Variants in TACC1 observed in about 807,000 individuals in gnomAD.
TACC1 encodes the protein transforming acidic coiled-coil-containing protein 1.
Under a neutral mutation model 84.4 loss-of-function variants are expected in TACC1, and 48 were observed. The observed-to-expected ratio is 0.57, with a 90% confidence interval of 0.45 to 0.72. The LOEUF is 0.72. Among genes scored for constraint, TACC1 ranks in the 30% least tolerant of loss-of-function variants. TACC1 has a pLI of 0.00. For missense variants in TACC1, 920 were observed against 973.0 expected, an observed-to-expected ratio of 0.95 and a Z score of 0.72; for synonymous variants, 372 against 376.3, an observed-to-expected ratio of 0.99 and a Z score of 0.13.
rs767859320 is a variant in TACC1, at chr8:38,825,377, G to A, written c.1452+9G>A. 6.2e-7 allele frequency: 1 copy of A among 1,614,094 alleles called. No homozygotes were observed. Among genetic ancestry groups the A allele is most frequent in the South Asian group, 1.1e-5 (1 of 91,084 alleles). On this transcript the variant is annotated intron_variant, in intron 4 of 12. Coordinates refer to ENST00000317827, the MANE Select transcript of TACC1 (RefSeq NM_006283.3). Reference sequence around the variant, plus strand: ...TGGATGCATGTTCTCGGGTGAGTCTGTGCCCATCTCCAGAATGTCTCTGAG... The same window carrying A: ...TGGATGCATGTTCTCGGGTGAGTCTATGCCCATCTCCAGAATGTCTCTGAG...
intron 2 of TACC1, among the ~76,000 whole-genome samples, chr8:38,797,603 G>A (rs1380439736): frequency 6.6e-6 from 1 of 152,222 alleles, no homozygotes; most frequent in African/African-American, 2.4e-5. Flanking sequence ...CTCTCTTGCT[G>A]AACATTCCTC....
chr8:38,758,396 GC>G (rs1005084984), intron 3 of TACC1, among the ~76,000 whole-genome samples: 4 of 152,076 alleles, frequency 2.6e-5, no homozygotes, highest in Non-Finnish European at 4.4e-5. Flanking sequence ...AATAGCTGAC[GC>G]CGGGCGTGGT....
intron 2 of TACC1, among the ~76,000 whole-genome samples, chr8:38,811,320 A>G (rs1037492982): frequency 7.9e-5 from 12 of 152,062 alleles, no homozygotes; most frequent in Non-Finnish European, 1.6e-4. Flanking sequence ...CTAGTTTCAA[A>G]GGCTAAAACT....
At chr8:38,835,998 C>T (rs547391112) in intron 6 of TACC1, among the ~76,000 whole-genome samples, 164 bp from the exon 7 acceptor site, 1 of 152,316 alleles carries the variant, frequency 6.6e-6, no homozygotes, top group Admixed American at 6.5e-5. Context: ...TCTTTAGTTA[C>T]TTCCATAATT....
chr8:38,840,293 G>A, intron 9 of TACC1, 26 bp downstream of exon 9: 4 of 1,602,482 alleles, frequency 2.5e-6, no homozygotes, highest in Non-Finnish European at 3.4e-6. Flanking sequence ...TGTTTTTTGA[G>A]GGTATGAGCC....
At chr8:38,795,867 A>G (rs1414975584) in intron 2 of TACC1, among the ~76,000 whole-genome samples, 2 of 152,218 alleles carry the variant, frequency 1.3e-5, no homozygotes, top group Non-Finnish European at 2.9e-5. Context: ...CAGGGTTTAG[A>G]TTGATGATGG....
intron 6 of TACC1, among the ~76,000 whole-genome samples, chr8:38,831,761 G>A (rs1829291432): frequency 6.6e-6 from 1 of 151,416 alleles, no homozygotes; most frequent in Non-Finnish European, 1.5e-5. Flanking sequence ...CTCCCAAAGT[G>A]CTGGGATTAC....
Position 38,850,872 on chromosome 8 carries a change from G to A in TACC1, c.*2849G>A, listed in dbSNP as rs1002574765. The A allele has an allele frequency of 3.3e-5, 5 of 152,024 alleles. No homozygotes were observed. The highest frequency in any genetic ancestry group is 3.5e-3 in the Middle Eastern group (1 of 286). 9.4% of individuals were successfully genotyped at this position (152,024 alleles called of 1,614,324 possible). A position where few individuals can be genotyped will look rare whatever the true frequency, so the allele number is the denominator to read the frequency against. ...TGGTTTGGGAATATTAGGTGATCCT[G>A]TTGAGATTCTGGATCCAGAGCAATT... On this transcript the variant is annotated 3_prime_UTR_variant, in exon 13 of 13. Transcript: ENST00000317827.
At chr8:38,743,864 G>A (rs184850688) in intron 2 of TACC1, among the ~76,000 whole-genome samples, 1 of 152,230 alleles carries the variant, frequency 6.6e-6, no homozygotes, top group African/African-American at 2.4e-5. Flanking sequence ...TCTAGCCTGG[G>A]CAACAGAGTG....
At chr8:38,826,577 C>G (rs1435446361) in intron 4 of TACC1, among the ~76,000 whole-genome samples, 1 of 152,062 alleles carries the variant, frequency 6.6e-6, no homozygotes, top group Non-Finnish European at 1.5e-5. Flanking sequence ...AAAAGACTTT[C>G]AACCATGCAG....
intron 2 of TACC1, among the ~76,000 whole-genome samples, chr8:38,796,798 C>T (rs1237163928): frequency 6.6e-6 from 1 of 152,214 alleles, no homozygotes; most frequent in African/African-American, 2.4e-5. Flanking sequence ...GCCAGGGGCT[C>T]TGCGCCTGTT....
upstream of TACC1, among the ~76,000 whole-genome samples, chr8:38,783,084 ATCTATCTATCTATCTATCTATC>A (rs1563440506): frequency 1.8e-5 from 2 of 109,388 alleles, no homozygotes; most frequent in East Asian, 2.7e-4. Context: ...CTATCTATCT[ATCTATCTATCTATCTATCTATC>A]TATATATATA....
Position 38,742,484 on chromosome 8 carries a change from G to A in TACC1, c.-574+33G>A, listed in dbSNP as rs577789566. On this transcript the variant is annotated intron_variant, in intron 2 of 14. Coordinates refer to the TACC1 transcript ENST00000518415. ...TTTTCTTTGACATTGAATATACCTGGGATGGATTTTAAAGTAAAAATTTTT... is the reference window on the plus strand; with the variant it reads ...TTTTCTTTGACATTGAATATACCTGAGATGGATTTTAAAGTAAAAATTTTT... 9 of 1,479,624 alleles carry A rather than the reference G, an allele frequency of 6.1e-6. No individual in the cohort carries two copies. The African/African-American group carries it at 1.1e-4, about 18-fold the overall frequency. 91.7% of individuals were successfully genotyped at this position (1,479,624 alleles called of 1,614,324 possible). A position where few individuals can be genotyped will look rare whatever the true frequency, so the allele number is the denominator to read the frequency against.
intron 3 of TACC1, among the ~76,000 whole-genome samples, chr8:38,762,437 C>T (rs996599829): frequency 5.9e-5 from 9 of 152,128 alleles, no homozygotes; most frequent in African/African-American, 1.4e-4. Context: ...GTGTCCATGT[C>T]GTAGCATGTA....
chr8:38,788,558 T>A (rs948926850), intron 1 of TACC1, 146 bp from the exon 2 acceptor site: 13 of 611,436 alleles, frequency 2.1e-5, no homozygotes, highest in Non-Finnish European at 3.8e-5. Flanking sequence ...CGCAGTTGCC[T>A]CCCGCAGGTC....
intron 3 of TACC1, among the ~76,000 whole-genome samples, chr8:38,774,041 T>C (rs1412612986): frequency 6.6e-6 from 1 of 152,084 alleles, no homozygotes; most frequent in Non-Finnish European, 1.5e-5. Context: ...CCTAAGCCCC[T>C]CTCCTCCCTC....
rs1453958421 is a variant in TACC1 at position 38,852,126 on chromosome 8, C to T, written c.*4103C>T. 1 of 302,348 alleles carries T rather than the reference C, an allele frequency of 3.3e-6. No homozygotes were observed. The highest frequency in any genetic ancestry group is 2.2e-5 in the African/African-American group (1 of 46,010). The allele number at this position is 302,348 out of a possible 1,614,324, so 18.7% of individuals were successfully genotyped here. On this transcript the variant is annotated 3_prime_UTR_variant, in exon 13 of 13. Coordinates refer to ENST00000317827, the MANE Select transcript of TACC1 (RefSeq NM_006283.3). ...AGTGCCAGAGCTTGCATCCTGGAGA[C>T]TAAAGATTGCACTTTTTTGTAGTTT...
chr8:38,838,629 C>A, intron 8 of TACC1, 83 bp downstream of exon 8: 1 of 1,179,696 alleles, frequency 8.5e-7, no homozygotes, highest in Non-Finnish European at 1.3e-6. Context: ...ACAGTGTTTG[C>A]TTGCCACAGA....
At chr8:38,801,685 TGTTTTAGCTATTCTGA>T (rs1821403113) in intron 2 of TACC1, among the ~76,000 whole-genome samples, 2 of 152,196 alleles carry the variant, frequency 1.3e-5, no homozygotes. Flanking sequence ...TTTTCAAGAT[TGTTTTAGCTATTCTGA>T]GTCCATTGCA....
Sources: gnomAD v4.1 joint callset for allele counts (sites outside exome capture counted in the v4.1 genomes callset) on GRCh38, gnomAD v4.1.1 for gene constraint, MANE v1.5 for transcripts, NCBI Gene and HGNC (gene_info 2026-07-23, HGNC 2026-07-21) for gene names.